Variants in MEPE observed in about 807,000 individuals in gnomAD.
The protein encoded by MEPE is matrix, extracellular phosphoglycoprotein with ASARM motif (bone).
Under a neutral mutation model 7.3 loss-of-function variants are expected in MEPE, and 7 were observed. The ratio of observed to expected loss-of-function variants is 0.95; its 90% confidence interval spans 0.54 to 1.79. The LOEUF is 1.79. MEPE is among the 40% of genes most tolerant of loss of function. MEPE has a pLI of 0.00. For synonymous variants in MEPE, 214 were observed against 213.1 expected, an observed-to-expected ratio of 1.00 and a Z score of -0.04; for missense variants, 623 against 628.2, an observed-to-expected ratio of 0.99 and a Z score of 0.09.
rs368482958 is a variant in MEPE at position 87,845,850 on chromosome 4, G to C, written c.982G>C (p.Asp328His). The change falls in exon 4 of 4, where the codon GAT becomes CAT. Residue 328 changes from aspartate (D) to histidine (H), a missense_variant. By Grantham distance (81) the Asp-to-His change is moderately conservative (BLOSUM62 -1). Transcript: ENST00000361056. ...GTRDETAKEADAVDVSLVEGS... is the reference protein window; with the variant it reads ...GTRDETAKEAHAVDVSLVEGS... ...TAGGGATGAAACTGCGAAAGAGGCA[G>C]ATGCTGTTGATGTCAGCCTTGTAGA... The C allele has an allele frequency of 8.1e-6, 13 of 1,613,926 alleles. No individual in the cohort carries two copies. In the African/African-American group the frequency reaches 1.5e-4, roughly 18 times the overall value.
Position 87,846,439 on chromosome 4 carries a change from G to T in MEPE, c.1571G>T (p.Gly524Val), listed in dbSNP as rs746948427. 6 of 1,611,942 alleles carry T rather than the reference G, an allele frequency of 3.7e-6. No homozygotes were observed. Among genetic ancestry groups the T allele is most frequent in the Non-Finnish European group, 5.1e-6 (6 of 1,178,908 alleles). The change falls in exon 4 of 4, where the codon GGT becomes GTT. Residue 524 changes from glycine to valine, a missense_variant. By Grantham distance (109) the Gly-to-Val change is moderately radical. Transcript: ENST00000361056. Reference protein sequence around the residue: ...SDSGSSSESDGD With the variant: ...SDSGSSSESDVD Reference sequence around the variant, plus strand: ...AGTGGCAGTTCAAGTGAGAGCGATGGTGACTAGTCCACCAGGAGTTCCCAG... The same window carrying T: ...AGTGGCAGTTCAAGTGAGAGCGATGTTGACTAGTCCACCAGGAGTTCCCAG...
rs550002683 is a variant in MEPE, at chr4:87,840,635, A to T, written c.108+1950A>T. 2.0e-5 allele frequency among the ~76,000 whole-genome samples: 3 copies of T among 152,334 alleles called. No individual in the cohort carries two copies. In the East Asian group the frequency reaches 5.8e-4, roughly 29 times the overall value. On this transcript the variant is annotated intron_variant, in intron 3 of 3. Transcript: ENST00000361056. ...GGATCTTAGAGTTAGAAAAGAAACA[A>T]AAGGCACTTACAAAAATTATTGTAA...
rs1333010157 is a variant in MEPE, at chr4:87,846,047, T to C, written c.1179T>C (p.Ser393=). The C allele has an allele frequency of 2.5e-6, 4 of 1,613,888 alleles. No homozygotes were observed. Among genetic ancestry groups the C allele is most frequent in the Non-Finnish European group, 3.4e-6 (4 of 1,179,960 alleles). The change falls in exon 4 of 4, where the codon AGT becomes AGC. Residue 393 remains serine, a synonymous_variant. Transcript: ENST00000361056. ...RKEGSSDAAE[S]TNYNEIPKNG... is the part of the protein sequence containing the mutation. ...AAGGCAGTAGTGATGCAGCTGAAAG[T>C]ACCAACTATAATGAAATTCCTAAAA... is the stretch of plus-strand genomic sequence containing the variant.
Position 87,846,475 on chromosome 4 carries a change from G to A in MEPE, c.*29G>A, listed in dbSNP as rs1723275053. 6.3e-7 allele frequency: 1 copy of A among 1,590,952 alleles called. No homozygotes were observed. Among genetic ancestry groups the A allele is most frequent in the African/African-American group, 1.3e-5 (1 of 74,140 alleles). On this transcript the variant is annotated 3_prime_UTR_variant, in exon 4 of 4. Transcript: ENST00000361056. ...ACCAGGAGTTCCCAGCGGGGTGACA[G>A]TCTGAAGACCTCGTCACCTGTGAGT...
upstream of MEPE, among the ~76,000 whole-genome samples, chr4:87,830,875 C>T (rs4693184): frequency 0.2 from 29,785 of 151,318 alleles, 3,200 homozygotes; most frequent in East Asian, 0.32. Flanking sequence ...ACCATTTTCT[C>T]AGGTAGAACT....
chr4:87,834,437 T>C (rs907769146), intron 1 of MEPE, among the ~76,000 whole-genome samples: 1 of 152,220 alleles, frequency 6.6e-6, no homozygotes, highest in Non-Finnish European at 1.5e-5. Flanking sequence ...GTCTATAAAA[T>C]ATATTTCTAT....
At chr4:87,844,835 G>T in intron 3 of MEPE, 142 bp from the exon 4 acceptor site, 1 of 599,796 alleles carries the variant, frequency 1.7e-6, no homozygotes, top group Admixed American at 3.8e-5. Flanking sequence ...ATTCTAGAAT[G>T]ACCTCTACCA....
rs1363554351 is a variant in MEPE at position 87,838,671 on chromosome 4, G to T, written c.94G>T (p.Val32Leu). 1 of 1,613,472 alleles carries T rather than the reference G, an allele frequency of 6.2e-7. No individual in the cohort carries two copies. Among genetic ancestry groups the T allele is most frequent in the Admixed American group, 1.7e-5 (1 of 59,990 alleles). The change falls in exon 3 of 4, where the codon GTG (valine) becomes TTG (leucine). Residue 32 changes from valine (V) to leucine (L), a missense_variant. By Grantham distance (32) the Val-to-Leu change is conservative (BLOSUM62 1). Transcript: ENST00000361056. ...PQTEKTKQSC[V>L]EEQRQEEKNK... ...GACTGAGAAAACTAAGCAAAGCTGTGTGGAAGAGCAGAGGGTAAACAGAAT... is the reference window on the plus strand; with the variant it reads ...GACTGAGAAAACTAAGCAAAGCTGTTTGGAAGAGCAGAGGGTAAACAGAAT...
upstream of MEPE, among the ~76,000 whole-genome samples, chr4:87,830,672 C>T (rs1385648960): frequency 6.6e-6 from 1 of 152,010 alleles, no homozygotes; most frequent in Non-Finnish European, 1.5e-5. Context: ...GTACAACAAA[C>T]CCCAGGGACA....
chr4:87,845,329 T>C lies in MEPE; in HGVS notation c.461T>C (p.Ile154Thr), dbSNP rs370310408. 3 of 1,613,688 alleles carry C rather than the reference T, an allele frequency of 1.9e-6. No individual in the cohort carries two copies. Among genetic ancestry groups the C allele is most frequent in the African/African-American group, 1.3e-5 (1 of 74,826 alleles). ...AALIRNNMQH[I>T]MGPVTAIKLL... Reference sequence around the variant, plus strand: ...CTCATCAGAAATAACATGCAACATATAATGGGGCCAGTGACTGCGATTAAA... The same window carrying C: ...CTCATCAGAAATAACATGCAACATACAATGGGGCCAGTGACTGCGATTAAA... Residue 154 changes from isoleucine (I) to threonine (T), a missense_variant, in exon 4 of 4, where the codon ATA becomes ACA. Physicochemically the swap from Ile to Thr is moderately conservative, Grantham distance 89. Transcript: ENST00000361056.
upstream of MEPE, among the ~76,000 whole-genome samples, chr4:87,828,850 G>A (rs546221097): frequency 6.6e-6 from 1 of 152,144 alleles, no homozygotes; most frequent in Non-Finnish European, 1.5e-5. Flanking sequence ...CCAGGAACGA[G>A]GAACCAGAAA....
chr4:87,827,484 G>C lies in MEPE; in HGVS notation c.-13+6013G>C, dbSNP rs577799498. Among the ~76,000 whole-genome samples, 3 of 152,296 alleles carry C rather than the reference G, an allele frequency of 2.0e-5. No homozygotes were observed. The South Asian group carries it at 6.2e-4, about 32-fold the overall frequency. Reference sequence around the variant, plus strand: ...ACATGTTCGATACAATGAATAGCTAGCTGGTAAAAGTCCTCAAGTTCTGTA... The same window carrying C: ...ACATGTTCGATACAATGAATAGCTACCTGGTAAAAGTCCTCAAGTTCTGTA... On this transcript the variant is annotated intron_variant, in intron 1 of 3. Transcript: ENST00000424957.
At chr4:87,828,614 G>A (rs185489719), upstream of MEPE, among the ~76,000 whole-genome samples, 1 of 152,320 alleles carries the variant, frequency 6.6e-6, no homozygotes, top group East Asian at 1.9e-4. Flanking sequence ...ATTCCTGGGT[G>A]AGAGTCTAAT....
intron 3 of MEPE, among the ~76,000 whole-genome samples, chr4:87,843,782 C>T (rs1194536470): frequency 7.9e-5 from 12 of 152,214 alleles, no homozygotes; most frequent in Non-Finnish European, 1.5e-5. Flanking sequence ...CACTCCCCCT[C>T]CTTCTCCCTC....
intron 2 of MEPE, among the ~76,000 whole-genome samples, chr4:87,838,212 A>T (rs577552419): frequency 6.6e-6 from 1 of 152,196 alleles, no homozygotes; most frequent in Non-Finnish European, 1.5e-5. Flanking sequence ...ATTAATGCAC[A>T]CACACAATTT....
chr4:87,841,269 C>A (rs1480047632), intron 3 of MEPE, among the ~76,000 whole-genome samples: 2 of 152,042 alleles, frequency 1.3e-5, no homozygotes, highest in African/African-American at 4.8e-5. Flanking sequence ...AGTAAACAAA[C>A]AACAATGAAC....
chr4:87,846,038 A>C lies in MEPE; in HGVS notation c.1170A>C (p.Ala390=). The C allele has an allele frequency of 6.2e-7, 1 of 1,614,098 alleles. No individual in the cohort carries two copies. The highest frequency in any genetic ancestry group is 8.5e-7 in the Non-Finnish European group (1 of 1,179,976). The change falls in exon 4 of 4, where the codon GCA becomes GCC. Residue 390 remains alanine (A), a synonymous_variant. Coordinates refer to ENST00000361056, the MANE Select transcript of MEPE (RefSeq NM_020203.6). ...KEKRKEGSSD[A]AESTNYNEIP... ...AAAGAAAAGAAGGCAGTAGTGATGCAGCTGAAAGTACCAACTATAATGAAA... is the reference window on the plus strand; with the variant it reads ...AAAGAAAAGAAGGCAGTAGTGATGCCGCTGAAAGTACCAACTATAATGAAA...
chr4:87,828,298 G>C (rs1231231252), upstream of MEPE, among the ~76,000 whole-genome samples: 1 of 152,178 alleles, frequency 6.6e-6, no homozygotes, highest in Non-Finnish European at 1.5e-5. Flanking sequence ...AGAAGATAGA[G>C]AGTTATTTTG....
chr4:87,833,124 C>T (rs1440628662), intron 1 of MEPE, 110 bp downstream of exon 1: 2 of 152,292 alleles, frequency 1.3e-5, no homozygotes, highest in East Asian at 3.9e-4. Context: ...AAAATCTTCT[C>T]TACTGAGCAA....
Sources: allele counts gnomAD v4.1 joint callset (sites outside exome capture counted in the v4.1 genomes callset), GRCh38; gene constraint gnomAD v4.1.1; transcripts MANE v1.5; gene names NCBI Gene and HGNC (gene_info 2026-07-23, HGNC 2026-07-21).